CCNC: variants seen among roughly 807,000 people sequenced by gnomAD.
CCNC encodes the protein cyclin C.
A neutral mutation model predicts 50.0 loss-of-function variants in CCNC; 19 were observed. The ratio of observed to expected loss-of-function variants is 0.38; its 90% CI spans 0.27 to 0.56. The LOEUF (loss-of-function observed/expected upper bound fraction) is 0.56, where lower values mean the gene tolerates loss of function less well. Ranked by LOEUF, CCNC falls within the 20% of genes least tolerant of loss-of-function variation. CCNC has a pLI of 0.72. For synonymous variants in CCNC, 93 were observed against 103.7 expected, an observed-to-expected ratio of 0.90 and a Z score of 0.63; for missense variants, 200 against 327.1, an observed-to-expected ratio of 0.61 and a Z score of 3.00.
At chr6:99,549,990 AAAATT>A (rs1480636599) in intron 8 of CCNC, among the ~76,000 whole-genome samples, 1 of 152,206 alleles carries the variant, frequency 6.6e-6, no homozygotes, top group Non-Finnish European at 1.5e-5. Flanking sequence ...TGTTTTGTAT[AAAATT>A]AAATTTTAAT....
intron 3 of CCNC, 53 bp from the exon 4 acceptor site, chr6:99,561,489 G>GA (rs1250579792): frequency 9.2e-6 from 13 of 1,411,312 alleles, no homozygotes; most frequent in African/African-American, 1.4e-5. Context: ...AACACACTGG[G>GA]AAAAAAATCA....
chr6:99,549,167 T>C, intron 9 of CCNC: 1 of 358,380 alleles, frequency 2.8e-6, no homozygotes, highest in South Asian at 2.5e-5. Flanking sequence ...GCTCAGGATA[T>C]GAAAGCCCCA....
At position 99,543,396 on chromosome 6, in the gene CCNC, A is replaced by G; in HGVS notation, c.*159T>C. ...TTTTAATCAATTATGTACTAGAATC[A>G]TATTAAAGAAAAACTTATTTTGCAA... On this transcript the variant is annotated 3_prime_UTR_variant, in exon 12 of 12. Transcript: ENST00000520429. 2.9e-6 allele frequency: 2 copies of G among 687,710 alleles called. No homozygotes were observed. Among genetic ancestry groups the G allele is most frequent in the East Asian group, 5.5e-5 (2 of 36,474 alleles). The allele number at this position is 687,710 out of a possible 1,614,324, so 42.6% of individuals were successfully genotyped here.
intron 7 of CCNC, chr6:99,550,534 G>T: frequency 4.6e-6 from 2 of 434,472 alleles, no homozygotes; most frequent in Non-Finnish European, 8.2e-6. Flanking sequence ...AAATCGGTTG[G>T]CAGTCAGTCA....
Position 99,568,641 on chromosome 6 carries a change from C to T in CCNC, c.-114G>A. On this transcript the variant is annotated 5_prime_UTR_variant, in exon 1 of 12. Transcript: ENST00000520429. ...CCTCGATCAAATCAGCTCGGCTCGACTCCGCTCCGCGGCGGCGACGGCGAA... is the reference window on the plus strand; with the variant it reads ...CCTCGATCAAATCAGCTCGGCTCGATTCCGCTCCGCGGCGGCGACGGCGAA... 1 of 1,538,314 alleles carries T rather than the reference C, an allele frequency of 6.5e-7. No individual in the cohort carries two copies. Among genetic ancestry groups the T allele is most frequent in the Non-Finnish European group, 8.7e-7 (1 of 1,143,878 alleles).
rs926578694 is a variant in CCNC, at chr6:99,543,029, G to A, written c.*526C>T. The A allele has an allele frequency of 2.6e-5, 4 of 152,450 alleles. No homozygotes were observed. Among genetic ancestry groups the A allele is most frequent in the African/African-American group, 7.3e-5 (3 of 41,338 alleles). The allele number at this position is 152,450 out of a possible 1,614,324, so 9.4% of individuals were successfully genotyped here. ...TAAAATACACTTTTAAATCAATATAGGTACTTGATTAATTTCCCTGAAATT... is the reference window on the plus strand; with the variant it reads ...TAAAATACACTTTTAAATCAATATAAGTACTTGATTAATTTCCCTGAAATT... On this transcript the variant is annotated 3_prime_UTR_variant, in exon 12 of 12. Coordinates refer to ENST00000520429, the MANE Select transcript of CCNC (RefSeq NM_005190.4).
chr6:99,558,076 C>T (rs1802615487), intron 5 of CCNC: 1 of 189,838 alleles, frequency 5.3e-6, no homozygotes, highest in Non-Finnish European at 1.1e-5. Flanking sequence ...GTTCTAAAAG[C>T]TTATATTAAC....
chr6:99,547,258 C>G (rs1295415742), intron 9 of CCNC, among the ~76,000 whole-genome samples: 1 of 151,940 alleles, frequency 6.6e-6, no homozygotes, highest in East Asian at 1.9e-4. Flanking sequence ...ACACTGGTTG[C>G]CCTAAGTCAA....
At chr6:99,544,206 C>T (rs1801984276) in intron 11 of CCNC, 1 of 1,533,480 alleles carries the variant, frequency 6.5e-7, no homozygotes, top group Non-Finnish European at 8.7e-7. Flanking sequence ...GGATTATTGC[C>T]TTATCTTGTC....
chr6:99,562,751 CACTAAA>C, intron 2 of CCNC, 85 bp downstream of exon 2: 1 of 660,336 alleles, frequency 1.5e-6, no homozygotes, highest in Non-Finnish European at 2.6e-6. Context: ...GTTAGGTATG[CACTAAA>C]ACAGTTCACA....
intron 4 of CCNC, 45 bp from the exon 5 acceptor site, chr6:99,558,593 G>T: frequency 1.3e-6 from 2 of 1,542,622 alleles, no homozygotes; most frequent in African/African-American, 1.4e-5. Context: ...TGAATCTAAG[G>T]GTATCTGAAC....
intron 9 of CCNC, 24 bp from the exon 10 acceptor site, chr6:99,546,498 T>A: frequency 3.4e-6 from 5 of 1,476,398 alleles, no homozygotes; most frequent in Non-Finnish European, 4.7e-6. Context: ...GAGAGACAAC[T>A]GTCCATGTTT....
At chr6:99,544,385 T>TA (rs1441942785) in intron 11 of CCNC, 1 of 854,950 alleles carries the variant, frequency 1.2e-6, no homozygotes, top group Non-Finnish European at 1.8e-6. Context: ...TAGCAATCCA[T>TA]AAATCTATCT....
At chr6:99,553,209 T>A (rs1021874114) in intron 5 of CCNC, among the ~76,000 whole-genome samples, 7 of 152,190 alleles carry the variant, frequency 4.6e-5, no homozygotes, top group African/African-American at 1.7e-4. Flanking sequence ...CTTTCCTTTC[T>A]TCTCTCCTTT....
chr6:99,546,879 A>G (rs950796524), intron 9 of CCNC, among the ~76,000 whole-genome samples: 1 of 152,224 alleles, frequency 6.6e-6, no homozygotes, highest in African/African-American at 2.4e-5. Context: ...GGTTTTAACA[A>G]TGTTGACTGT....
At chr6:99,549,698 G>A in intron 8 of CCNC, 123 bp from the exon 9 acceptor site, 1 of 614,906 alleles carries the variant, frequency 1.6e-6, no homozygotes, top group South Asian at 2.2e-5. Context: ...TACTACTGAA[G>A]CACAGCTATA....
chr6:99,559,677 C>T (rs956376696), intron 4 of CCNC, among the ~76,000 whole-genome samples: 1 of 149,740 alleles, frequency 6.7e-6, no homozygotes, highest in African/African-American at 2.5e-5. Flanking sequence ...AATAATGCTA[C>T]GACCAAATCT....
intron 1 of CCNC, among the ~76,000 whole-genome samples, chr6:99,563,296 G>A (rs554898319): frequency 6.6e-6 from 1 of 152,204 alleles, no homozygotes; most frequent in Admixed American, 6.5e-5. Context: ...AGATAATGGT[G>A]GAATTATTTG....
At chr6:99,556,053 C>T (rs1357247790) in intron 5 of CCNC, among the ~76,000 whole-genome samples, 1 of 152,156 alleles carries the variant, frequency 6.6e-6, no homozygotes, top group Non-Finnish European at 1.5e-5. Context: ...TTAGTGTTCA[C>T]TGGGATGACT....
Sources: allele counts gnomAD v4.1 joint callset (sites outside exome capture counted in the v4.1 genomes callset), GRCh38; gene constraint gnomAD v4.1.1; transcripts MANE v1.5; gene names NCBI Gene and HGNC (gene_info 2026-07-23, HGNC 2026-07-21).